Variants in COL5A2 observed in about 807,000 individuals in gnomAD.
The protein encoded by COL5A2 is collagen type V alpha 2 chain.
COL5A2 carries 23 observed loss-of-function variants against 208.2 expected under a neutral mutation model. That is an observed-to-expected ratio of 0.11 (90% CI 0.08 to 0.16). The LOEUF is 0.16. COL5A2 is among the 10% of genes least tolerant of loss of function. The pLI, the probability that COL5A2 is intolerant of heterozygous loss-of-function variation, is 1.00. For missense variants in COL5A2, 1,590 were observed against 1,956.4 expected, an observed-to-expected ratio of 0.81 and a Z score of 3.53; for synonymous variants, 625 against 628.5, an observed-to-expected ratio of 0.99 and a Z score of 0.08.
the COL5A2 span, among the ~76,000 whole-genome samples, chr2:189,279,279 G>A: frequency 6.6e-6 from 1 of 151,660 alleles, no homozygotes; most frequent in African/African-American, 2.4e-5. Flanking sequence ...AAAAGGAATG[G>A]CAATAATTAA....
the COL5A2 span, among the ~76,000 whole-genome samples, chr2:189,337,331 C>T: frequency 6.6e-6 from 1 of 151,226 alleles, no homozygotes; most frequent in Admixed American, 6.6e-5. Flanking sequence ...TACAGGCGCC[C>T]GCCACTACGC....
chr2:189,270,740 A>G, the COL5A2 span, among the ~76,000 whole-genome samples: 1 of 152,288 alleles, frequency 6.6e-6, no homozygotes, highest in South Asian at 2.1e-4. Flanking sequence ...AGATGACATG[A>G]TTGTATATTT....
intron 1 of COL5A2, among the ~76,000 whole-genome samples, chr2:189,222,197 G>A (rs183220989): frequency 2.3e-4 from 35 of 152,222 alleles, no homozygotes; most frequent in Non-Finnish European, 4.1e-4. Flanking sequence ...TTGAGTTTAA[G>A]CCAGATGTCC....
At chr2:189,313,068 A>C in the COL5A2 span, among the ~76,000 whole-genome samples, 62 of 152,166 alleles carry the variant, frequency 4.1e-4, no homozygotes, top group East Asian at 0.012. Context: ...TATTGCAATC[A>C]CAAGTATTAA....
chr2:189,344,256 C>A, the COL5A2 span, among the ~76,000 whole-genome samples: 5 of 152,094 alleles, frequency 3.3e-5, no homozygotes, highest in South Asian at 1.0e-3. Context: ...AGGATATGAA[C>A]CAGAATGTTG....
the COL5A2 span, among the ~76,000 whole-genome samples, chr2:189,290,567 G>T: frequency 3.9e-5 from 6 of 152,206 alleles, no homozygotes; most frequent in South Asian, 1.2e-3. Flanking sequence ...AGGTAGAATT[G>T]TTAGCAAAAT....
chr2:189,232,878 A>G, the COL5A2 span, among the ~76,000 whole-genome samples: 1 of 151,742 alleles, frequency 6.6e-6, no homozygotes, highest in African/African-American at 2.4e-5. Flanking sequence ...AGCCTTGAGA[A>G]CTATGAGAAA....
chr2:189,228,957 A>G (rs1689449171), upstream of COL5A2, among the ~76,000 whole-genome samples: 1 of 151,908 alleles, frequency 6.6e-6, no homozygotes, highest in Non-Finnish European at 1.5e-5. Context: ...AAAGGATCAC[A>G]CTATGACCAA....
chr2:189,363,361 T>C, the COL5A2 span, among the ~76,000 whole-genome samples: 1 of 152,118 alleles, frequency 6.6e-6, no homozygotes, highest in South Asian at 2.1e-4. Context: ...AATTTATAAA[T>C]TTACAAATGT....
At chr2:189,061,959 T>C (rs1686041102) in intron 29 of COL5A2, among the ~76,000 whole-genome samples, 1 of 152,152 alleles carries the variant, frequency 6.6e-6, no homozygotes, top group South Asian at 2.1e-4. Context: ...ATATTTTTAT[T>C]ATAGTTTATT....
At chr2:189,191,724 T>C (rs1237314870) in intron 1 of COL5A2, among the ~76,000 whole-genome samples, 2 of 152,144 alleles carry the variant, frequency 1.3e-5, no homozygotes, top group Non-Finnish European at 2.9e-5. Flanking sequence ...TATTGGTCTA[T>C]CCAGTATTTC....
rs143636850 is a variant in COL5A2 at position 189,117,007 on chromosome 2, T to C, written c.98-6558A>G. 5.3e-5 allele frequency among the ~76,000 whole-genome samples: 8 copies of C among 152,340 alleles called. No individual in the cohort carries two copies. In the East Asian group the frequency reaches 1.5e-3, roughly 29 times the overall value. On this transcript the variant is annotated intron_variant, in intron 1 of 53. Coordinates refer to ENST00000374866, the MANE Select transcript of COL5A2 (RefSeq NM_000393.5). ...TGGTTTCTTCAGTGCAACCATTAAA[T>C]GTTTTCCAATCTCATAAGCAAAGTT...
the COL5A2 span, among the ~76,000 whole-genome samples, chr2:189,384,097 A>G: frequency 6.6e-6 from 1 of 152,100 alleles, no homozygotes; most frequent in Non-Finnish European, 1.5e-5. Flanking sequence ...TTTATTATTT[A>G]TATGGCTGAA....
chr2:189,228,345 C>A (rs961395160), upstream of COL5A2, among the ~76,000 whole-genome samples: 1 of 151,060 alleles, frequency 6.6e-6, no homozygotes, highest in African/African-American at 2.4e-5. Context: ...AATAGAAAAA[C>A]CATAGAAAAA....
intron 42 of COL5A2, 50 bp from the exon 43 acceptor site, chr2:189,050,726 A>C (rs1023081286): frequency 1.4e-6 from 2 of 1,453,746 alleles, no homozygotes; most frequent in African/African-American, 2.8e-5. Context: ...GTAAAACTGT[A>C]CCCAAGGAAT....
At chr2:189,435,364 G>GA in the COL5A2 span, among the ~76,000 whole-genome samples, 2 of 152,086 alleles carry the variant, frequency 1.3e-5, no homozygotes, top group African/African-American at 4.8e-5. Flanking sequence ...CATAGCAAAA[G>GA]AAACGACCAT....
the COL5A2 span, among the ~76,000 whole-genome samples, chr2:189,335,507 T>C: frequency 6.6e-6 from 1 of 152,038 alleles, no homozygotes; most frequent in Non-Finnish European, 1.5e-5. Context: ...AACCTGAACA[T>C]TGATATTTAT....
At chr2:189,355,668 T>C in the COL5A2 span, among the ~76,000 whole-genome samples, 1 of 152,196 alleles carries the variant, frequency 6.6e-6, no homozygotes, top group Non-Finnish European at 1.5e-5. Flanking sequence ...TGAGCCTATG[T>C]ATGTCTTGCA....
At chr2:189,397,133 G>A in the COL5A2 span, among the ~76,000 whole-genome samples, 28 of 152,282 alleles carry the variant, frequency 1.8e-4, no homozygotes, top group African/African-American at 6.7e-4. Context: ...GGGAACTTTG[G>A]AAGGAATTAG....
Sources: allele counts gnomAD v4.1 joint callset (sites outside exome capture counted in the v4.1 genomes callset), GRCh38; gene constraint gnomAD v4.1.1; transcripts MANE v1.5; gene names NCBI Gene and HGNC (gene_info 2026-07-23, HGNC 2026-07-21).